Variants in CAMTA1 observed in about 807,000 individuals in gnomAD.
CAMTA1 encodes calmodulin-binding transcription activator 1.
Under a neutral mutation model 170.9 loss-of-function variants are expected in CAMTA1, and 27 were observed. The observed-to-expected ratio is 0.16, with a 90% CI of 0.12 to 0.22. The LOEUF is 0.22. Among genes scored for constraint, CAMTA1 ranks in the 10% least tolerant of loss-of-function variants. The pLI, the probability that CAMTA1 is intolerant of heterozygous loss-of-function variation, is 1.00. For synonymous variants in CAMTA1, 833 were observed against 891.5 expected (o/e 0.93, Z 1.17); for missense variants, 1,619 against 2,217.2 (o/e 0.73, Z 5.42).
intron 6 of CAMTA1, among the ~76,000 whole-genome samples, chr1:7,604,366 G>C (rs2095469821): frequency 6.6e-6 from 1 of 152,176 alleles, no homozygotes. Flanking sequence ...GTTTCTTGGA[G>C]GCTTGTTTGT....
chr1:7,244,202 C>T (rs893052263), intron 4 of CAMTA1, among the ~76,000 whole-genome samples: 4 of 152,180 alleles, frequency 2.6e-5, no homozygotes, highest in African/African-American at 4.8e-5. Flanking sequence ...TACCATCTCA[C>T]ACCAGTTAGA....
chr1:7,459,935 G>C (rs1022788769), intron 5 of CAMTA1, among the ~76,000 whole-genome samples: 1 of 152,250 alleles, frequency 6.6e-6, no homozygotes, highest in Non-Finnish European at 1.5e-5. Context: ...GCCTGCACTT[G>C]AGCCATCAGT....
chr1:6,985,993 C>T (rs556152150), intron 3 of CAMTA1, among the ~76,000 whole-genome samples: 111 of 152,370 alleles, frequency 7.3e-4, no homozygotes, highest in Non-Finnish European at 1.1e-3. Flanking sequence ...CTGTTTCCTT[C>T]AGGCACGGAA....
intron 6 of CAMTA1, among the ~76,000 whole-genome samples, chr1:7,621,419 G>A (rs2095597401): frequency 6.6e-6 from 1 of 152,244 alleles, no homozygotes. Context: ...CTTGGCTCCT[G>A]AGACATTTGC....
chr1:7,150,017 G>A (rs549345150), intron 4 of CAMTA1, among the ~76,000 whole-genome samples: 33 of 152,300 alleles, frequency 2.2e-4, no homozygotes, highest in African/African-American at 7.7e-4. Flanking sequence ...CAGGAAAACT[G>A]AGCCTCGGAG....
chr1:7,700,422 G>T (rs550759665), intron 11 of CAMTA1, among the ~76,000 whole-genome samples: 97 of 152,278 alleles, frequency 6.4e-4, no homozygotes, highest in South Asian at 3.7e-3. Flanking sequence ...AGAATCTTAT[G>T]ATTTTTTCTT....
intron 4 of CAMTA1, among the ~76,000 whole-genome samples, chr1:7,242,509 T>G (rs1277906597): frequency 6.6e-6 from 1 of 152,252 alleles, no homozygotes; most frequent in African/African-American, 2.4e-5. Context: ...AGGGTAGGTA[T>G]GATTTTATTT....
intron 1 of CAMTA1, among the ~76,000 whole-genome samples, chr1:6,809,000 G>C (rs1266087703): frequency 6.6e-6 from 1 of 151,736 alleles, no homozygotes; most frequent in South Asian, 2.1e-4. Flanking sequence ...GGCTGCAAAG[G>C]TACCACTGTT....
At position 7,670,905 on chromosome 1, in the gene CAMTA1, C is replaced by T. The variant is rs759951748; in HGVS notation, c.2653-6C>T. On this transcript the variant is annotated splice_polypyrimidine_tract_variant and splice_region_variant and intron_variant, in intron 9 of 22. Transcript: ENST00000303635. ...CCAACTCTGTTCCCCTCTCTGTTCT[C>T]TGCAGGGAGGAGTGAAGGTCCTCAT... The T allele has an allele frequency of 6.2e-7, 1 of 1,613,550 alleles. No homozygotes were observed. Among genetic ancestry groups the T allele is most frequent in the Non-Finnish European group, 8.5e-7 (1 of 1,179,834 alleles).
chr1:7,055,520 C>G (rs574855513), intron 3 of CAMTA1, among the ~76,000 whole-genome samples: 2 of 152,220 alleles, frequency 1.3e-5, no homozygotes, highest in Non-Finnish European at 2.9e-5. Flanking sequence ...ACACAATACA[C>G]GTGTTAGACT....
rs770043613 is a variant in CAMTA1, at chr1:7,467,867, C to G, written c.476C>G (p.Pro159Arg). The change falls in exon 6 of 23, where the codon CCC (proline) becomes CGC (arginine). Residue 159 changes from proline (P) to arginine (R), a missense_variant. Around this residue, in one of 8 missense-constraint regions of CAMTA1, gnomAD observed 97 missense variants for 225.4 expected, o/e 0.43. Coordinates refer to ENST00000303635, the MANE Select transcript of CAMTA1 (RefSeq NM_015215.4). Reference protein sequence around the residue: ...YGCYVHSSIIPTFHRRCYWLL... With the variant: ...YGCYVHSSIIRTFHRRCYWLL... ...TGCTATGTCCATTCCTCCATCATCC[C>G]CACCTTCCACCGGAGGTGCTACTGG... The G allele has an allele frequency of 6.2e-7, 1 of 1,614,084 alleles. No individual in the cohort carries two copies. The highest frequency in any genetic ancestry group is 2.2e-5 in the East Asian group (1 of 44,880).
intron 3 of CAMTA1, among the ~76,000 whole-genome samples, chr1:6,884,316 A>ACC (rs1672526877): frequency 6.8e-6 from 1 of 147,994 alleles, no homozygotes; most frequent in Non-Finnish European, 1.5e-5. Flanking sequence ...ACACACACAC[A>ACC]CACACACACA....
At chr1:7,492,946 TAA>T (rs398102418) in intron 6 of CAMTA1, among the ~76,000 whole-genome samples, 5 of 68,290 alleles carry the variant, frequency 7.3e-5, no homozygotes, top group South Asian at 5.1e-4. Context: ...CACGCACACA[TAA>T]ACACAGACTT....
intron 5 of CAMTA1, among the ~76,000 whole-genome samples, chr1:7,384,472 T>G (rs1383230701): frequency 6.6e-6 from 1 of 152,240 alleles, no homozygotes; most frequent in African/African-American, 2.4e-5. Context: ...TATGAGTCGA[T>G]GTGTGGGCCT....
intron 1 of CAMTA1, among the ~76,000 whole-genome samples, chr1:6,816,767 C>G (rs957880831): frequency 2.0e-5 from 3 of 152,222 alleles, no homozygotes; most frequent in African/African-American, 7.2e-5. Flanking sequence ...GCCCGCCTCC[C>G]TCTATGGCAG....
chr1:7,032,806 A>G lies in CAMTA1; in HGVS notation c.235-58498A>G, dbSNP rs1436834956. The stretch of plus-strand genomic sequence containing the variant: ...TATTTCACTTTTGTTTTTGAAAGAT[A>G]TTTTCAATGGATAAAGAATTCTAGG... On this transcript the variant is annotated intron_variant, in intron 3 of 22. Coordinates refer to ENST00000303635, the MANE Select transcript of CAMTA1 (RefSeq NM_015215.4). Among the ~76,000 whole-genome samples, 3 of 151,626 alleles carry G rather than the reference A, an allele frequency of 2.0e-5. No homozygotes were observed. The South Asian group carries it at 6.2e-4, about 31-fold the overall frequency.
At chr1:6,975,516 G>A (rs1012778440) in intron 3 of CAMTA1, among the ~76,000 whole-genome samples, 3 of 152,148 alleles carry the variant, frequency 2.0e-5, no homozygotes, top group African/African-American at 7.2e-5. Context: ...AGAGTCTGGG[G>A]AGCTGGGCCT....
intron 6 of CAMTA1, among the ~76,000 whole-genome samples, chr1:7,479,002 T>C (rs1304310476): frequency 6.6e-6 from 1 of 152,162 alleles, no homozygotes. Flanking sequence ...CCAGACGTAG[T>C]GGGACAGAAT....
At chr1:7,283,716 C>T (rs1671839430) in intron 5 of CAMTA1, among the ~76,000 whole-genome samples, 1 of 152,204 alleles carries the variant, frequency 6.6e-6, no homozygotes. Flanking sequence ...CCCCCTTGTC[C>T]AAATAAACTC....
Sources: gnomAD v4.1 joint callset for allele counts (sites outside exome capture counted in the v4.1 genomes callset) on GRCh38, gnomAD v4.1.1 for gene constraint, gnomAD v4.1.1 regional missense constraint, MANE v1.5 for transcripts, NCBI Gene and HGNC (gene_info 2026-07-23, HGNC 2026-07-21) for gene names.